The following FAAH2 variants were observed in gnomAD, a reference collection of about 807,000 sequenced individuals.
FAAH2 encodes fatty-acid amide hydrolase 2.
FAAH2 carries 60 observed loss-of-function variants against 36.9 expected under a neutral mutation model. The observed-to-expected ratio is 1.63, with a 90% CI of 1.32 to 2.02. The LOEUF (loss-of-function observed/expected upper bound fraction) is 2.02. FAAH2 is among the 30% of genes most tolerant of loss of function. FAAH2 has a pLI of 0.00. For synonymous variants in FAAH2, 214 were observed against 143.8 expected (o/e 1.49, Z -3.49); for missense variants, 689 against 397.5 (o/e 1.73, Z -6.23).
chrX:57,448,962 C>T lies in FAAH2; in HGVS notation c.1423+244C>T, dbSNP rs150682240. ...AGTATCCACATTTTACAGAACTGTG[C>T]CTCAGGGAGGTTCAGCCACTTGTCT... On this transcript the variant is annotated intron_variant, in intron 10 of 10. Coordinates refer to ENST00000374900, the MANE Select transcript of FAAH2 (RefSeq NM_174912.4). 5.0e-3 allele frequency among the ~76,000 whole-genome samples: 559 copies of T among 111,367 alleles called. 14 individuals carry two copies. The highest frequency in any genetic ancestry group is 6.3e-3 in the Non-Finnish European group (336 of 53,073).
At chrX:57,480,928 T>G (rs189682463) in intron 10 of FAAH2, among the ~76,000 whole-genome samples, 1 of 108,015 alleles carries the variant, frequency 9.3e-6, no homozygotes, top group East Asian at 2.9e-4. Context: ...GGAGGCTTTG[T>G]TTTTTTTTCC....
chrX:57,172,012 T>G, the FAAH2 span, among the ~76,000 whole-genome samples: 1 of 111,983 alleles, frequency 8.9e-6, no homozygotes, highest in Non-Finnish European at 1.9e-5. Context: ...TAGTGTGTCT[T>G]TTCCCCAGTT....
chrX:57,478,355 A>G (rs1473287049), intron 10 of FAAH2, among the ~76,000 whole-genome samples: 1 of 110,812 alleles, frequency 9.0e-6, no homozygotes, highest in Admixed American at 9.6e-5. Context: ...TTTCTTGTAA[A>G]TTTGTTTGAG....
the FAAH2 span, among the ~76,000 whole-genome samples, chrX:57,254,080 G>T: frequency 9.1e-6 from 1 of 110,001 alleles, no homozygotes; most frequent in African/African-American, 3.3e-5. Flanking sequence ...AAAATAAAGG[G>T]ATGGAGGAAG....
the FAAH2 span, among the ~76,000 whole-genome samples, chrX:57,154,630 T>G: frequency 9.0e-6 from 1 of 111,033 alleles, no homozygotes; most frequent in South Asian, 3.9e-4. Context: ...CTCTGGTGCC[T>G]CATTGATTAG....
In FAAH2 at chrX:57,327,305, A is replaced by G. The variant is rs942719683; in HGVS notation, c.413-4293A>G. ...CTTCATTTCAACTTTGGTGAATCTGACAATTATTTGTCTTGGAGTTGCTCT... is the reference window on the plus strand; with the variant it reads ...CTTCATTTCAACTTTGGTGAATCTGGCAATTATTTGTCTTGGAGTTGCTCT... On this transcript the variant is annotated intron_variant, in intron 3 of 10. Coordinates refer to ENST00000374900, the MANE Select transcript of FAAH2 (RefSeq NM_174912.4). Among the ~76,000 whole-genome samples, 184 of 105,727 alleles carry G rather than the reference A, an allele frequency of 1.7e-3. 1 individual carries two copies. Among genetic ancestry groups the G allele is most frequent in the Non-Finnish European group, 3.1e-3 (158 of 51,561 alleles). The allele number at this position is 105,727 out of a possible 115,157, so 91.8% of individuals were successfully genotyped here.
the FAAH2 span, among the ~76,000 whole-genome samples, chrX:57,236,291 G>C: frequency 8.9e-6 from 1 of 112,210 alleles, no homozygotes; most frequent in East Asian, 2.8e-4. Flanking sequence ...TGTGAATGAT[G>C]CTTTATAAAC....
chrX:57,123,422 T>C, the FAAH2 span, among the ~76,000 whole-genome samples: 3 of 112,329 alleles, frequency 2.7e-5, no homozygotes, highest in Admixed American at 2.8e-4. Context: ...TTTGGGTTGG[T>C]TCCAAGTCTT....
intron 7 of FAAH2, among the ~76,000 whole-genome samples, chrX:57,419,795 T>C (rs1385231983): frequency 8.9e-6 from 1 of 111,917 alleles, no homozygotes; most frequent in South Asian, 3.7e-4. Context: ...TCCTTGCCCA[T>C]GCCTATGTCC....
At chrX:57,251,675 A>G in the FAAH2 span, among the ~76,000 whole-genome samples, 1 of 112,165 alleles carries the variant, frequency 8.9e-6, no homozygotes, top group South Asian at 3.7e-4. Context: ...CTCTTTCTAT[A>G]CACTAGATAG....
the FAAH2 span, among the ~76,000 whole-genome samples, chrX:57,255,547 T>C: frequency 8.9e-6 from 1 of 112,024 alleles, no homozygotes; most frequent in Non-Finnish European, 1.9e-5. Flanking sequence ...GCAAACCAAA[T>C]GCAGCAGCAC....
At chrX:57,226,507 C>T in the FAAH2 span, among the ~76,000 whole-genome samples, 1 of 112,159 alleles carries the variant, frequency 8.9e-6, no homozygotes, top group Middle Eastern at 4.2e-3. Flanking sequence ...AGGGTTTCTG[C>T]TGAGAAATCT....
chrX:57,324,573 T>C (rs1463291299), intron 3 of FAAH2, among the ~76,000 whole-genome samples: 2 of 111,814 alleles, frequency 1.8e-5, no homozygotes, highest in Non-Finnish European at 3.8e-5. Context: ...GTAAGTTGGA[T>C]TCCTAGGTAT....
At chrX:57,137,386 A>T in the FAAH2 span, 22 of 747,137 alleles carry the variant, frequency 2.9e-5, no homozygotes, top group Non-Finnish European at 3.5e-5. Flanking sequence ...GCGCGGCGAG[A>T]CAGGCAAAGA....
chrX:57,485,206 G>A (rs1425590207), intron 10 of FAAH2, among the ~76,000 whole-genome samples: 2 of 111,960 alleles, frequency 1.8e-5, no homozygotes, highest in Non-Finnish European at 3.8e-5. Flanking sequence ...TTTGTTGTGG[G>A]AGGCATGCAC....
At chrX:57,338,476 G>A (rs762105121) in intron 4 of FAAH2, among the ~76,000 whole-genome samples, 15 of 111,600 alleles carry the variant, frequency 1.3e-4, no homozygotes, top group Non-Finnish European at 2.6e-4. Flanking sequence ...CACTTCTTTT[G>A]TGATTCTTCA....
At chrX:57,340,558 T>C (rs931145475) in intron 4 of FAAH2, among the ~76,000 whole-genome samples, 1 of 111,676 alleles carries the variant, frequency 9.0e-6, no homozygotes, top group Non-Finnish European at 1.9e-5. Context: ...CCATCAATGA[T>C]AGATTGAATA....
intron 8 of FAAH2, among the ~76,000 whole-genome samples, chrX:57,444,631 C>G (rs1238274698): frequency 1.8e-5 from 2 of 111,274 alleles, no homozygotes; most frequent in African/African-American, 6.5e-5. Flanking sequence ...AAACCTGGTA[C>G]CTCGGTTGGA....
chrX:57,215,711 G>A, the FAAH2 span, among the ~76,000 whole-genome samples: 2 of 109,563 alleles, frequency 1.8e-5, no homozygotes, highest in South Asian at 4.0e-4. Context: ...AAACTAACAC[G>A]GGAACAGGAC....
Sources: gnomAD v4.1 joint callset for allele counts (sites outside exome capture counted in the v4.1 genomes callset) on GRCh38, gnomAD v4.1.1 for gene constraint, MANE v1.5 for transcripts, NCBI Gene and HGNC (gene_info 2026-07-23, HGNC 2026-07-21) for gene names.